The following GTF2B variants were observed in gnomAD, a reference collection of about 807,000 sequenced individuals.
The protein encoded by GTF2B is general transcription factor IIB, also known as transcription initiation factor IIB.
A neutral mutation model predicts 34.6 loss-of-function variants in GTF2B; 20 were observed. The observed-to-expected ratio is 0.58, with a 90% confidence interval of 0.41 to 0.84. GTF2B has a LOEUF of 0.84. Ranked by LOEUF, GTF2B falls within the 40% of genes least tolerant of loss-of-function variation. The pLI is 0.00. For synonymous variants in GTF2B, 142 were observed against 132.4 expected (o/e 1.07, Z -0.50); for missense variants, 237 against 393.3 (o/e 0.60, Z 3.36).
chr1:88,876,896 TAG>T (rs1673830005), intron 2 of GTF2B, among the ~76,000 whole-genome samples: 1 of 152,166 alleles, frequency 6.6e-6, no homozygotes, highest in South Asian at 2.1e-4. Context: ...CCCTCAATTC[TAG>T]AGACACTGAC....
intron 2 of GTF2B, among the ~76,000 whole-genome samples, chr1:88,869,247 ATAC>A (rs1286630557): frequency 2.6e-5 from 4 of 152,346 alleles, no homozygotes; most frequent in African/African-American, 7.2e-5. Context: ...GCATGGGCAA[ATAC>A]TACGTCATAT....
rs1674208235 is a variant in GTF2B, at chr1:88,891,482, C to T, written c.17+1G>A. On this transcript the variant is annotated splice_donor_variant, in intron 1 of 6. Coordinates refer to ENST00000370500, the MANE Select transcript of GTF2B (RefSeq NM_001514.6). LOFTEE classifies it high-confidence loss of function. ...CGCCGGGCTCGGCGGGACATACTAA[C>T]CGGCTGGTAGACGCCATCTTCACGG... 6.2e-7 allele frequency: 1 copy of T among 1,602,558 alleles called. No individual in the cohort carries two copies. The highest frequency in any genetic ancestry group is 8.5e-7 in the Non-Finnish European group (1 of 1,174,234).
At chr1:88,886,188 A>G (rs1175824574) in intron 2 of GTF2B, among the ~76,000 whole-genome samples, 2 of 152,236 alleles carry the variant, frequency 1.3e-5, no homozygotes, top group African/African-American at 4.8e-5. Flanking sequence ...TCTATACTTT[A>G]AAACTCCCAC....
chr1:88,872,174 C>T (rs140311591), intron 2 of GTF2B, among the ~76,000 whole-genome samples: 1,898 of 152,104 alleles, frequency 0.012, 23 homozygotes, highest in Non-Finnish European at 0.021. Context: ...CCTTTTTAGG[C>T]CGGGTGCGGT....
chr1:88,857,084 A>G (rs1673330085), intron 6 of GTF2B, 122 bp downstream of exon 6: 1 of 850,418 alleles, frequency 1.2e-6, no homozygotes, highest in Non-Finnish European at 1.9e-6. Context: ...TATAGGTGTG[A>G]GCCCCCGCGC....
intron 2 of GTF2B, among the ~76,000 whole-genome samples, chr1:88,885,948 C>T (rs1351288831): frequency 6.6e-6 from 1 of 151,898 alleles, no homozygotes; most frequent in Non-Finnish European, 1.5e-5. Context: ...AGAAATCTGC[C>T]TCCCACGCAG....
rs12091631 is a variant in GTF2B at position 88,886,615 on chromosome 1, T to C, written c.124+646A>G. Among the ~76,000 whole-genome samples the C allele has an allele frequency of 7.1e-3, 1,078 of 152,336 alleles. 14 individuals are homozygous for C. The highest frequency in any genetic ancestry group is 0.025 in the African/African-American group (1,029 of 41,580). The stretch of plus-strand genomic sequence containing the variant: ...AAAAAGCCACAAAAGTTTGATTACA[T>C]GTATTCATTATTTAATATGCATGAG... On this transcript the variant is annotated intron_variant, in intron 2 of 6. Transcript: ENST00000370500.
chr1:88,876,711 G>A (rs866192364), intron 2 of GTF2B, among the ~76,000 whole-genome samples: 1 of 152,084 alleles, frequency 6.6e-6, no homozygotes, highest in Non-Finnish European at 1.5e-5. Flanking sequence ...ATGTATCAGT[G>A]AAATCTTATA....
At chr1:88,856,213 A>G (rs1385953254) in intron 6 of GTF2B, among the ~76,000 whole-genome samples, 3 of 141,324 alleles carry the variant, frequency 2.1e-5, no homozygotes, top group African/African-American at 7.7e-5. Flanking sequence ...GGTTGCAGTA[A>G]GCTGAGATTG....
chr1:88,859,165 C>A (rs1343409567), intron 5 of GTF2B, among the ~76,000 whole-genome samples: 1 of 152,134 alleles, frequency 6.6e-6, no homozygotes, highest in Non-Finnish European at 1.5e-5. Flanking sequence ...CATACCTGGC[C>A]TTCACTGATA....
At chr1:88,867,671 G>A (rs1169428669) in intron 2 of GTF2B, among the ~76,000 whole-genome samples, 2 of 152,174 alleles carry the variant, frequency 1.3e-5, no homozygotes, top group Non-Finnish European at 2.9e-5. Flanking sequence ...AGTCTCTCTA[G>A]AAATCTAAAG....
intron 2 of GTF2B, among the ~76,000 whole-genome samples, chr1:88,867,789 G>A (rs1162734456): frequency 2.6e-5 from 4 of 151,874 alleles, no homozygotes; most frequent in Non-Finnish European, 5.9e-5. Context: ...AAGACAAGAT[G>A]GATTTTTTAT....
At chr1:88,883,551 C>CAA (rs113458526) in intron 2 of GTF2B, among the ~76,000 whole-genome samples, 1 of 143,918 alleles carries the variant, frequency 6.9e-6, no homozygotes, top group African/African-American at 2.5e-5. Context: ...CTATCTGTAC[C>CAA]AAAAAAAAAA....
At chr1:88,860,769 T>C (rs1418484924) in intron 3 of GTF2B, among the ~76,000 whole-genome samples, 6 of 152,172 alleles carry the variant, frequency 3.9e-5, no homozygotes, top group Non-Finnish European at 7.3e-5. Flanking sequence ...TAAAAACTCA[T>C]AGGACGCTAC....
intron 5 of GTF2B, among the ~76,000 whole-genome samples, chr1:88,857,844 G>C (rs1025462873): frequency 6.6e-5 from 10 of 151,730 alleles, no homozygotes; most frequent in African/African-American, 2.2e-4. Flanking sequence ...ACCACACCTG[G>C]CTAACTTTTG....
chr1:88,854,642 C>A (rs1673261782), intron 6 of GTF2B, among the ~76,000 whole-genome samples: 1 of 151,970 alleles, frequency 6.6e-6, no homozygotes, highest in Admixed American at 6.6e-5. Flanking sequence ...AGCTGAGGCA[C>A]CTGCCACCAT....
At chr1:88,855,790 G>A (rs1482989202) in intron 6 of GTF2B, among the ~76,000 whole-genome samples, 3 of 152,036 alleles carry the variant, frequency 2.0e-5, no homozygotes, top group Non-Finnish European at 4.4e-5. Flanking sequence ...TACTAAATGG[G>A]ATTCAGATAT....
At chr1:88,856,278 A>C (rs111770596) in intron 6 of GTF2B, among the ~76,000 whole-genome samples, 11,229 of 131,118 alleles carry the variant, frequency 0.086, 793 homozygotes, top group African/African-American at 0.27. Context: ...AAAACAAAAA[A>C]AAAAAAAAAA....
At chr1:88,886,934 T>G (rs1265881680) in intron 2 of GTF2B, among the ~76,000 whole-genome samples, 1 of 152,084 alleles carries the variant, frequency 6.6e-6, no homozygotes, top group Non-Finnish European at 1.5e-5. Flanking sequence ...TTATTTTTTT[T>G]TTGAGACGGA....
Sources: gnomAD v4.1 joint callset for allele counts (sites outside exome capture counted in the v4.1 genomes callset) on GRCh38, gnomAD v4.1.1 for gene constraint, MANE v1.5 for transcripts, NCBI Gene and HGNC (gene_info 2026-07-23, HGNC 2026-07-21) for gene names.